The following SLC22A9 variants were observed in gnomAD, a reference collection of about 807,000 sequenced individuals.
SLC22A9 encodes solute carrier family 22 member 9, also known as organic anion transporter 7.
Under a neutral mutation model 50.1 loss-of-function variants are expected in SLC22A9, and 64 were observed. That is an observed-to-expected ratio of 1.28 (90% CI 1.04 to 1.57). SLC22A9 has a LOEUF of 1.57. Ranked by LOEUF, SLC22A9 falls within the 40% of genes most tolerant of loss-of-function variation. The pLI, the probability that SLC22A9 is intolerant of heterozygous loss-of-function variation, is 0.00. For missense variants in SLC22A9, 757 were observed against 676.1 expected (o/e 1.12, Z -1.33); for synonymous variants, 261 against 242.5 (o/e 1.08, Z -0.71).
rs1167871123 is a variant in SLC22A9, at chr11:63,375,677, T to C, written c.863T>C (p.Ile288Thr). 6.2e-7 allele frequency: 1 copy of C among 1,612,626 alleles called. No homozygotes were observed. Among genetic ancestry groups the C allele is most frequent in the South Asian group, 1.1e-5 (1 of 91,016 alleles). Residue 288 changes from isoleucine to threonine, a missense_variant, in exon 5 of 10, where the codon ATC (isoleucine) becomes ACC (threonine). Transcript: ENST00000279178. ...WLLESARWLI[I>T]NNKPEEGLKE... ...CTAGAGTCTGCTCGGTGGCTCATTATCAACAATAAACCAGAGGAAGGCTTA... is the reference window on the plus strand; with the variant it reads ...CTAGAGTCTGCTCGGTGGCTCATTACCAACAATAAACCAGAGGAAGGCTTA...
rs1347420461 is a variant in SLC22A9, at chr11:63,375,647, G to C, written c.833G>C (p.Trp278Ser). The part of the protein sequence containing the change: ...PYFVIFLTSS[W>S]LLESARWLII... ...CCTCTGTTCTCTTCCTTGGTCAGTT[G>C]GCTGCTAGAGTCTGCTCGGTGGCTC... is the stretch of plus-strand genomic sequence containing the variant. The change falls in exon 5 of 10, where the codon TGG becomes TCG. Residue 278 changes from tryptophan to serine, a missense_variant and splice_region_variant. Coordinates refer to ENST00000279178, the MANE Select transcript of SLC22A9 (RefSeq NM_080866.3). 1 of 1,611,736 alleles carries C rather than the reference G, an allele frequency of 6.2e-7. No individual in the cohort carries two copies. Among genetic ancestry groups the C allele is most frequent in the African/African-American group, 1.3e-5 (1 of 74,916 alleles).
At chr11:63,378,162 A>G (rs2014496668) in intron 5 of SLC22A9, among the ~76,000 whole-genome samples, 1 of 151,924 alleles carries the variant, frequency 6.6e-6, no homozygotes, top group South Asian at 2.1e-4. Flanking sequence ...TATTCCAGAA[A>G]ATTGAGGCAG....
In SLC22A9 at chr11:63,406,697, T is replaced by A. The variant is rs1231282435; in HGVS notation, c.1274T>A (p.Ile425Lys). The A allele has an allele frequency of 1.9e-6, 3 of 1,613,526 alleles. No homozygotes were observed. In the South Asian group the frequency reaches 3.3e-5, roughly 18 times the overall value. Residue 425 changes from isoleucine to lysine, a missense_variant, in exon 7 of 10, where the codon ATA (isoleucine) becomes AAA (lysine). Ile to Lys is a moderately radical substitution (Grantham distance 102). Transcript: ENST00000279178. Reference protein sequence around the residue: ...FLLAICLLAIIFVPQEMQTLR... With the variant: ...FLLAICLLAIKFVPQEMQTLR... ...CTGGCAATCTGCCTTCTGGCCATCA[T>A]ATTTGTGCCACAAGGTGAGAAAAGA...
intron 6 of SLC22A9, among the ~76,000 whole-genome samples, chr11:63,395,600 C>T (rs1002708585): frequency 1.3e-5 from 2 of 152,130 alleles, no homozygotes; most frequent in Non-Finnish European, 2.9e-5. Context: ...TGGATACCAG[C>T]ACCTGTTCTG....
At chr11:63,384,024 G>T (rs1345496282) in intron 6 of SLC22A9, among the ~76,000 whole-genome samples, 1 of 149,376 alleles carries the variant, frequency 6.7e-6, no homozygotes, top group Non-Finnish European at 1.5e-5. Context: ...ACTCCAGCCT[G>T]GTGACAGAGC....
In SLC22A9 at chr11:63,373,702, T is replaced by C. The variant is rs748851995; in HGVS notation, c.565T>C (p.Cys189Arg). Reference sequence around the variant, plus strand: ...CCTCCAGGTTGCCATTGTTGGCACCTGTGCAGCCTTGGCTCCCACCTTCCT... The same window carrying C: ...CCTCCAGGTTGCCATTGTTGGCACCCGTGCAGCCTTGGCTCCCACCTTCCT... Reference protein sequence around the residue: ...CYLQVAIVGTCAALAPTFLIY... With the variant: ...CYLQVAIVGTRAALAPTFLIY... The change falls in exon 3 of 10, where the codon TGT becomes CGT. Residue 189 changes from cysteine to arginine, a missense_variant. Cys to Arg is a radical substitution (Grantham distance 180, BLOSUM62 -3). Transcript: ENST00000279178. 1.9e-6 allele frequency: 3 copies of C among 1,611,112 alleles called. No individual in the cohort carries two copies. Among genetic ancestry groups the C allele is most frequent in the African/African-American group, 1.3e-5 (1 of 74,754 alleles).
chr11:63,405,999 C>T (rs574992363), intron 6 of SLC22A9, among the ~76,000 whole-genome samples: 1 of 152,210 alleles, frequency 6.6e-6, no homozygotes, highest in African/African-American at 2.4e-5. Flanking sequence ...TTCTCTTTGT[C>T]ACTTACTTTA....
At chr11:63,403,609 T>G (rs1300487949) in intron 6 of SLC22A9, among the ~76,000 whole-genome samples, 1 of 152,034 alleles carries the variant, frequency 6.6e-6, no homozygotes, top group Non-Finnish European at 1.5e-5. Flanking sequence ...AAACTCTTCC[T>G]TTAAGATCAA....
chr11:63,370,009 T>C lies in SLC22A9; in HGVS notation c.-48T>C, dbSNP rs1266972229. ...AACATTTTCCCTCTTTGAACCTCTC[T>C]GGATACAGTCATTTTGCCTCTACTT... is the stretch of plus-strand genomic sequence containing the variant. On this transcript the variant is annotated 5_prime_UTR_variant, in exon 1 of 10. Transcript: ENST00000279178. The C allele has an allele frequency of 1.3e-6, 2 of 1,564,246 alleles. No homozygotes were observed. Among genetic ancestry groups the C allele is most frequent in the Admixed American group, 3.6e-5 (2 of 55,634 alleles).
intron 6 of SLC22A9, among the ~76,000 whole-genome samples, chr11:63,392,696 G>C (rs2014784969): frequency 6.6e-6 from 1 of 151,934 alleles, no homozygotes. Context: ...AAGGCCTTGA[G>C]GAAGTCTCTT....
Position 63,370,166 on chromosome 11 carries a change from T to C in SLC22A9, c.110T>C (p.Leu37Pro). The change falls in exon 1 of 10, where the codon CTG (leucine) becomes CCG (proline). Residue 37 changes from leucine to proline, a missense_variant. Leu to Pro is a moderately conservative substitution (Grantham distance 98). Transcript: ENST00000279178. ...FAVATYLHFM[L>P]ENFTAFIPGH... ...GTTGCTACATACCTTCATTTTATGC[T>C]GGAGAACTTCACTGCATTCATACCT... The C allele has an allele frequency of 6.2e-7, 1 of 1,614,092 alleles. No homozygotes were observed. The highest frequency in any genetic ancestry group is 1.1e-5 in the South Asian group (1 of 91,072).
In SLC22A9 at chr11:63,410,257, A is replaced by AGGAAAGAAAG. The variant is rs1555017440; in HGVS notation, c.*395_*396insGGAAAGAAAG. ...CTGTCTCAAAAAAAAAAAAAAAAAA[A>AGGAAAGAAAG]AAAGAAAGAAGGAAAGAAAGAAAGA... On this transcript the variant is annotated 3_prime_UTR_variant, in exon 10 of 10. Transcript: ENST00000279178. The AGGAAAGAAAG allele has an allele frequency of 2.8e-5, 3 of 108,468 alleles. No individual in the cohort carries two copies. Among genetic ancestry groups the AGGAAAGAAAG allele is most frequent in the African/African-American group, 4.4e-5 (1 of 22,620 alleles). The allele number at this position is 108,468 out of a possible 1,614,324, so 6.7% of individuals were successfully genotyped here.
In SLC22A9 at chr11:63,373,810, C is replaced by G. The variant is rs774342403; in HGVS notation, c.661+12C>G. 6 of 1,605,268 alleles carry G rather than the reference C, an allele frequency of 3.7e-6. No homozygotes were observed. The highest frequency in any genetic ancestry group is 2.2e-5 in the East Asian group (1 of 44,778). On this transcript the variant is annotated intron_variant, in intron 3 of 9. Transcript: ENST00000279178. ...TACTATTATGTTAAGTAAGCCAACA[C>G]TTTGGATCCACATTTTCCAAACTGT... is the stretch of plus-strand genomic sequence containing the variant.
intron 6 of SLC22A9, among the ~76,000 whole-genome samples, chr11:63,385,225 C>T (rs1268926028): frequency 2.7e-5 from 4 of 149,996 alleles, no homozygotes; most frequent in Admixed American, 6.7e-5. Context: ...TTTGCCCATC[C>T]CTATGTCCTG....
Position 63,373,971 on chromosome 11 carries a change from A to T in SLC22A9, c.739A>T (p.Thr247Ser), listed in dbSNP as rs79899382. 619 of 1,613,490 alleles carry T rather than the reference A, an allele frequency of 3.8e-4. 5 individuals are homozygous for T. The African/African-American group carries it at 7.3e-3, about 19-fold the overall frequency. ...GTGCCCTTCTGGTATTGCATTTATG[A>T]CCCTGGCAGGCCTGGCTTTTGCCAT... ...GMCPSGIAFMTLAGLAFAIRD... is the reference protein window; with the variant it reads ...GMCPSGIAFMSLAGLAFAIRD... Residue 247 changes from threonine (T) to serine (S), a missense_variant, in exon 4 of 10, where the codon ACC (threonine) becomes TCC (serine). Thr to Ser is a moderately conservative substitution (Grantham distance 58). Coordinates refer to ENST00000279178, the MANE Select transcript of SLC22A9 (RefSeq NM_080866.3).
intron 6 of SLC22A9, among the ~76,000 whole-genome samples, chr11:63,393,408 A>G (rs2014798537): frequency 6.6e-6 from 1 of 152,152 alleles, no homozygotes; most frequent in South Asian, 2.1e-4. Flanking sequence ...AGTGTTTTCA[A>G]GGTAAACAAT....
At chr11:63,393,948 T>C (rs1565187157) in intron 6 of SLC22A9, among the ~76,000 whole-genome samples, 1 of 152,182 alleles carries the variant, frequency 6.6e-6, no homozygotes, top group Non-Finnish European at 1.5e-5. Flanking sequence ...CAAATGTGGG[T>C]TTGGTCTTTT....
rs183283742 is a variant in SLC22A9, at chr11:63,374,202, C to T, written c.830+140C>T. The T allele has an allele frequency of 6.0e-5, 44 of 736,722 alleles. No individual in the cohort carries two copies. The East Asian group carries it at 1.1e-3, about 19-fold the overall frequency. 45.6% of individuals were successfully genotyped at this position (736,722 alleles called of 1,614,324 possible). ...CATAATCTGTGCTTGATGTGCAATA[C>T]AAGAAGCAGAACACATAGAGTTTCC... On this transcript the variant is annotated intron_variant, in intron 4 of 9. Coordinates refer to ENST00000279178, the MANE Select transcript of SLC22A9 (RefSeq NM_080866.3).
intron 6 of SLC22A9, among the ~76,000 whole-genome samples, chr11:63,402,688 T>C (rs181236544): frequency 3.9e-5 from 6 of 152,048 alleles, no homozygotes; most frequent in Non-Finnish European, 2.9e-5. Flanking sequence ...TTTAACTAAA[T>C]GTAAAATTAT....
Sources: gnomAD v4.1 joint callset for allele counts (sites outside exome capture counted in the v4.1 genomes callset) on GRCh38, gnomAD v4.1.1 for gene constraint, MANE v1.5 for transcripts, NCBI Gene and HGNC (gene_info 2026-07-23, HGNC 2026-07-21) for gene names.